The following ZNF385D variants were observed in gnomAD, a reference collection of about 807,000 sequenced individuals.
ZNF385D encodes the protein zinc finger protein 385D.
Under a neutral mutation model 35.8 loss-of-function variants are expected in ZNF385D, and 15 were observed. That is an observed-to-expected ratio of 0.42 (90% CI 0.28 to 0.64). The LOEUF (loss-of-function observed/expected upper bound fraction) is 0.64, where lower values mean the gene tolerates loss of function less well. Among genes scored for constraint, ZNF385D ranks in the 30% least tolerant of loss-of-function variants. The pLI is 0.23. For synonymous variants in ZNF385D, 212 were observed against 186.8 expected, an observed-to-expected ratio of 1.13 and a Z score of -1.10; for missense variants, 474 against 494.6, an observed-to-expected ratio of 0.96 and a Z score of 0.39.
At chr3:22,222,050 C>T (rs1461464692) in intron 2 of ZNF385D, among the ~76,000 whole-genome samples, 2 of 151,932 alleles carry the variant, frequency 1.3e-5, no homozygotes, top group African/African-American at 4.8e-5. Flanking sequence ...GATCTCAGCT[C>T]ACTGCAACCT....
chr3:21,855,142 T>C (rs1575782939), intron 3 of ZNF385D, among the ~76,000 whole-genome samples: 1 of 151,998 alleles, frequency 6.6e-6, no homozygotes, highest in Non-Finnish European at 1.5e-5. Context: ...CCCACACCCA[T>C]TCCCATACCT....
chr3:21,568,303 C>T (rs898703665), intron 2 of ZNF385D, among the ~76,000 whole-genome samples: 3 of 151,964 alleles, frequency 2.0e-5, no homozygotes, highest in Non-Finnish European at 4.4e-5. Flanking sequence ...TACCACATGC[C>T]GTATAACTAA....
At chr3:21,600,803 CTG>C (rs2064264412) in intron 2 of ZNF385D, among the ~76,000 whole-genome samples, 2 of 151,576 alleles carry the variant, frequency 1.3e-5, no homozygotes, top group Non-Finnish European at 2.9e-5. Flanking sequence ...AAAAAAAGCT[CTG>C]AGAAATTATA....
intron 3 of ZNF385D, among the ~76,000 whole-genome samples, chr3:21,841,740 A>G (rs1695690013): frequency 6.6e-6 from 1 of 151,828 alleles, no homozygotes; most frequent in Non-Finnish European, 1.5e-5. Flanking sequence ...TTTTGCTTAA[A>G]TTTTTACTTA....
chr3:22,103,760 C>A (rs1009686664), intron 3 of ZNF385D, among the ~76,000 whole-genome samples: 7 of 146,850 alleles, frequency 4.8e-5, no homozygotes, highest in African/African-American at 1.7e-4. Flanking sequence ...CTGGTTGTGG[C>A]AGGAAAACCC....
At chr3:22,075,256 G>A (rs1027997016) in intron 3 of ZNF385D, among the ~76,000 whole-genome samples, 5 of 151,696 alleles carry the variant, frequency 3.3e-5, no homozygotes, top group African/African-American at 1.2e-4. Flanking sequence ...CAGTTTAGAT[G>A]CACACTCTAA....
rs967065704 is a variant in ZNF385D at position 21,416,902 on chromosome 3, C to G, written c.*4312G>C. 6.6e-6 allele frequency: 1 copy of G among 152,120 alleles called. No individual in the cohort carries two copies. The highest frequency in any genetic ancestry group is 1.5e-5 in the Non-Finnish European group (1 of 68,020). The allele number at this position is 152,120 out of a possible 1,614,324, so 9.4% of individuals were successfully genotyped here. A position where few individuals can be genotyped will look rare whatever the true frequency, so the allele number is the denominator to read the frequency against. On this transcript the variant is annotated 3_prime_UTR_variant, in exon 8 of 8. Coordinates refer to ENST00000281523, the MANE Select transcript of ZNF385D (RefSeq NM_024697.3). ...AAATTGTTGTTCCCTTCCACACCCCCACTGCCAGCTGTCTATTGCCTTTTT... is the reference window on the plus strand; with the variant it reads ...AAATTGTTGTTCCCTTCCACACCCCGACTGCCAGCTGTCTATTGCCTTTTT...
chr3:21,630,197 TTTTC>T (rs1432561215), intron 2 of ZNF385D, among the ~76,000 whole-genome samples: 2 of 149,272 alleles, frequency 1.3e-5, no homozygotes, highest in Non-Finnish European at 3.0e-5. Flanking sequence ...ACCACCTTTC[TTTTC>T]TTTCTTTTTT....
chr3:21,721,870 C>T (rs757804269), intron 1 of ZNF385D, among the ~76,000 whole-genome samples: 6 of 152,098 alleles, frequency 3.9e-5, no homozygotes, highest in East Asian at 1.9e-4. Flanking sequence ...GAGGCCCAGG[C>T]GGGTGGATCA....
chr3:22,123,579 GC>G (rs1306086966), intron 3 of ZNF385D, among the ~76,000 whole-genome samples: 4 of 152,150 alleles, frequency 2.6e-5, no homozygotes, highest in Non-Finnish European at 5.9e-5. Flanking sequence ...TGCTGACTGG[GC>G]CGGGCGCGGT....
rs1700644652 is a variant in ZNF385D, at chr3:21,419,374, G to A, written c.*1840C>T. 1 of 152,038 alleles carries A rather than the reference G, an allele frequency of 6.6e-6. No homozygotes were observed. The highest frequency in any genetic ancestry group is 1.5e-5 in the Non-Finnish European group (1 of 67,998). 9.4% of individuals were successfully genotyped at this position (152,038 alleles called of 1,614,324 possible). ...TCCAAAAAACCATGTTTAATGTTGA[G>A]CACCAAGCACGCTATGGTGTTTCTT... On this transcript the variant is annotated 3_prime_UTR_variant, in exon 8 of 8. Coordinates refer to ENST00000281523, the MANE Select transcript of ZNF385D (RefSeq NM_024697.3).
intron 3 of ZNF385D, among the ~76,000 whole-genome samples, chr3:22,162,902 A>C (rs1706059807): frequency 6.6e-6 from 1 of 152,204 alleles, no homozygotes; most frequent in African/African-American, 2.4e-5. Flanking sequence ...CAAGAAGCAG[A>C]GTCTAAGATG....
chr3:22,161,416 C>A (rs1705940423), intron 3 of ZNF385D, among the ~76,000 whole-genome samples: 1 of 151,900 alleles, frequency 6.6e-6, no homozygotes, highest in Non-Finnish European at 1.5e-5. Context: ...GAAAAATAAT[C>A]TTTATTTGTA....
chr3:21,436,903 A>G, intron 5 of ZNF385D, 67 bp downstream of exon 5: 2 of 1,443,642 alleles, frequency 1.4e-6, no homozygotes, highest in African/African-American at 1.4e-5. Context: ...GCTGCAAAAG[A>G]TCTAATCTAT....
chr3:21,486,784 G>C (rs1381519607), intron 4 of ZNF385D, among the ~76,000 whole-genome samples: 1 of 152,022 alleles, frequency 6.6e-6, no homozygotes, highest in African/African-American at 2.4e-5. Flanking sequence ...TTCCTCCAAA[G>C]TCAGGAAAAT....
At chr3:22,020,381 A>T (rs1388876197) in intron 3 of ZNF385D, among the ~76,000 whole-genome samples, 1 of 151,858 alleles carries the variant, frequency 6.6e-6, no homozygotes, top group Non-Finnish European at 1.5e-5. Context: ...GTTGAACCAC[A>T]TGGGGAACAT....
intron 3 of ZNF385D, among the ~76,000 whole-genome samples, chr3:21,869,328 T>C (rs947804572): frequency 3.3e-5 from 5 of 152,246 alleles, no homozygotes; most frequent in Admixed American, 2.6e-4. Context: ...AATAGAGTTA[T>C]CAAAATAAGT....
chr3:22,340,621 C>T (rs1328777595), intron 2 of ZNF385D, among the ~76,000 whole-genome samples: 1 of 152,022 alleles, frequency 6.6e-6, no homozygotes, highest in African/African-American at 2.4e-5. Flanking sequence ...ACTACAGCAT[C>T]GGTGACAGAG....
At chr3:21,717,490 C>G (rs1308612012) in intron 1 of ZNF385D, among the ~76,000 whole-genome samples, 2 of 152,126 alleles carry the variant, frequency 1.3e-5, no homozygotes, top group African/African-American at 4.8e-5. Context: ...GTAATCTTGC[C>G]AAAATACAAA....
Sources: allele counts gnomAD v4.1 joint callset (sites outside exome capture counted in the v4.1 genomes callset), GRCh38; gene constraint gnomAD v4.1.1; transcripts MANE v1.5; gene names NCBI Gene and HGNC (gene_info 2026-07-23, HGNC 2026-07-21).